Variants in TCFL5 observed in about 807,000 individuals in gnomAD.
The protein encoded by TCFL5 is transcription factor like 5, also known as transcription factor-like 5 protein.
A neutral mutation model predicts 44.3 loss-of-function variants in TCFL5; 9 were observed. The observed-to-expected ratio is 0.20, with a 90% CI of 0.12 to 0.35. The LOEUF (loss-of-function observed/expected upper bound fraction) is 0.35, where lower values mean the gene tolerates loss of function less well. TCFL5 is among the 10% of genes least tolerant of loss of function. TCFL5 has a pLI of 1.00. For missense variants in TCFL5, 603 were observed against 613.4 expected, an observed-to-expected ratio of 0.98 and a Z score of 0.18; for synonymous variants, 319 against 271.6, an observed-to-expected ratio of 1.17 and a Z score of -1.72.
chr20:62,861,752 A>G lies in TCFL5; in HGVS notation c.-82T>C, dbSNP rs1340782964. 2.4e-5 allele frequency: 3 copies of G among 127,170 alleles called. No individual in the cohort carries two copies. The highest frequency in any genetic ancestry group is 3.4e-5 in the Non-Finnish European group (2 of 58,346). 7.9% of individuals were successfully genotyped at this position (127,170 alleles called of 1,614,324 possible). On this transcript the variant is annotated 5_prime_UTR_variant, in exon 1 of 6. Transcript: ENST00000335351. The surrounding 1 kb of genome is among the most constrained non-coding windows in gnomAD (Gnocchi z 4.0). The stretch of plus-strand genomic sequence containing the variant: ...GGCGGGAGGCGGGAGGCGGGAGGCG[A>G]CCCCCGGCCCGAGCACTACTCTGCG...
chr20:62,856,199 G>A (rs377380978), intron 4 of TCFL5, among the ~76,000 whole-genome samples: 29 of 139,890 alleles, frequency 2.1e-4, no homozygotes, highest in Admixed American at 1.5e-3. Flanking sequence ...GCAGTGAGCC[G>A]AGATCATGCC....
intron 4 of TCFL5, among the ~76,000 whole-genome samples, chr20:62,855,405 C>G (rs2063872532): frequency 6.6e-6 from 1 of 152,184 alleles, no homozygotes; most frequent in Non-Finnish European, 1.5e-5. Context: ...TCAAGCAATC[C>G]TCCCACCTCG....
chr20:62,857,292 C>A (rs2063908482), intron 4 of TCFL5, 103 bp downstream of exon 4: 1 of 1,474,792 alleles, frequency 6.8e-7, no homozygotes, highest in African/African-American at 1.4e-5. Context: ...CTGCTTTATT[C>A]CCTCTGAACG....
At position 62,861,320 on chromosome 20, in the gene TCFL5, G is replaced by A. The variant is rs924912547; in HGVS notation, c.351C>T (p.Asp117=). ...AGTCGATGTGGCCCAGGCAGGGCGC[G>A]TCGGCCGCCAGCGCGGACGGGCACA... ...PVLCPSALAA[D]APCLGHIDFQ... The change falls in exon 1 of 6, where the codon GAC becomes GAT. Residue 117 remains aspartate (D), a synonymous_variant. Coordinates refer to ENST00000335351, the MANE Select transcript of TCFL5 (RefSeq NM_006602.4). The surrounding 1 kb of genome is among the most constrained non-coding windows in gnomAD (Gnocchi z 4.0). 6.1e-6 allele frequency: 7 copies of A among 1,153,458 alleles called. No homozygotes were observed. In the African/African-American group the frequency reaches 8.2e-5, roughly 14 times the overall value. 71.5% of individuals were successfully genotyped at this position (1,153,458 alleles called of 1,614,324 possible). A position where few individuals can be genotyped will look rare whatever the true frequency, so the allele number is the denominator to read the frequency against.
intron 3 of TCFL5, among the ~76,000 whole-genome samples, chr20:62,858,345 T>C (rs1010236081): frequency 2.9e-4 from 44 of 152,150 alleles, no homozygotes; most frequent in African/African-American, 1.0e-3. Flanking sequence ...AGAAGGATGA[T>C]GAAGCTTTCA....
In TCFL5 at chr20:62,861,327, G is replaced by T; in HGVS notation, c.344C>A (p.Ala115Glu). ...VYPVLCPSAL[A>E]ADAPCLGHID... Reference sequence around the variant, plus strand: ...GTGGCCCAGGCAGGGCGCGTCGGCCGCCAGCGCGGACGGGCACAGCACGGG... The same window carrying T: ...GTGGCCCAGGCAGGGCGCGTCGGCCTCCAGCGCGGACGGGCACAGCACGGG... Residue 115 changes from alanine (A) to glutamate (E), a missense_variant, in exon 1 of 6, where the codon GCG (alanine) becomes GAG (glutamate). By Grantham distance (107) the Ala-to-Glu change is moderately radical (BLOSUM62 -1). This residue lies in a region of TCFL5 where 540 missense variants were observed against 478.7 expected (regional missense o/e 1.13). Transcript: ENST00000335351. The surrounding 1 kb of genome is among the most constrained non-coding windows in gnomAD (Gnocchi z 4.0). 1 of 1,145,448 alleles carries T rather than the reference G, an allele frequency of 8.7e-7. No individual in the cohort carries two copies. Among genetic ancestry groups the T allele is most frequent in the East Asian group, 6.7e-5 (1 of 14,992 alleles). The allele number at this position is 1,145,448 out of a possible 1,614,324, so 71.0% of individuals were successfully genotyped here. A position where few individuals can be genotyped will look rare whatever the true frequency, so the allele number is the denominator to read the frequency against.
At position 62,861,167 on chromosome 20, in the gene TCFL5, C is replaced by T. The variant is rs1286096204; in HGVS notation, c.504G>A (p.Ala168=). Residue 168 remains alanine (A), a synonymous_variant, in exon 1 of 6, where the codon GCG becomes GCA. Transcript: ENST00000335351. The surrounding 1 kb of genome is among the most constrained non-coding windows in gnomAD (Gnocchi z 4.0). ...CCTCGGGCGCGCCGTCGGGTCCAGC[C>T]GCAGCCGCAGCCGCGCCCGCGCCCT... ...AKEGAGAAAA[A]AGPDGAPEAR... 2.9e-6 allele frequency: 3 copies of T among 1,018,472 alleles called. No individual in the cohort carries two copies. The highest frequency in any genetic ancestry group is 3.5e-5 in the African/African-American group (2 of 57,298). The allele number at this position is 1,018,472 out of a possible 1,614,324, so 63.1% of individuals were successfully genotyped here.
Position 62,856,017 on chromosome 20 carries a change from G to A in TCFL5, c.1238+1378C>T, listed in dbSNP as rs1053247428. On this transcript the variant is annotated intron_variant, in intron 4 of 5. Coordinates refer to ENST00000335351, the MANE Select transcript of TCFL5 (RefSeq NM_006602.4). ...TGTAATCCCAGCACTTTAGGAGGCCGAGGCAGGCGGATCACAAGGTCAGGA... is the reference window on the plus strand; with the variant it reads ...TGTAATCCCAGCACTTTAGGAGGCCAAGGCAGGCGGATCACAAGGTCAGGA... 7.2e-5 allele frequency among the ~76,000 whole-genome samples: 11 copies of A among 152,108 alleles called. No individual in the cohort carries two copies. The East Asian group carries it at 7.7e-4, about 11-fold the overall frequency.
chr20:62,849,314 G>T (rs906075731), intron 5 of TCFL5, among the ~76,000 whole-genome samples: 2 of 152,164 alleles, frequency 1.3e-5, no homozygotes, highest in African/African-American at 4.8e-5. Flanking sequence ...TCTTTGTACT[G>T]TTCTTGCAAT....
rs370824734 is a variant in TCFL5 at position 62,846,315 on chromosome 20, T to A, written c.1381-4218A>T. Reference sequence around the variant, plus strand: ...ACAGTTGGGCAGAGGCAGGGTTGAGTTGTGGTTCCATCTGGACCCTTGCAG... The same window carrying A: ...ACAGTTGGGCAGAGGCAGGGTTGAGATGTGGTTCCATCTGGACCCTTGCAG... On this transcript the variant is annotated intron_variant, in intron 5 of 5. Transcript: ENST00000335351. 1.6e-3 allele frequency among the ~76,000 whole-genome samples: 250 copies of A among 152,184 alleles called. 2 individuals are homozygous for A. Among genetic ancestry groups the A allele is most frequent in the African/African-American group, 5.7e-3 (238 of 41,494 alleles).
Position 62,857,559 on chromosome 20 carries a change from G to A in TCFL5, c.1074C>T (p.Ala358=). The A allele has an allele frequency of 6.2e-7, 1 of 1,614,188 alleles. No individual in the cohort carries two copies. The part of the protein sequence containing the change: ...RQLDTNVERR[A]LGEIQNVGEG... ...CGCCCACATTCTGAATCTCTCCAAGGGCTCTTCGCTCTACATTTGTGTCCA... is the reference window on the plus strand; with the variant it reads ...CGCCCACATTCTGAATCTCTCCAAGAGCTCTTCGCTCTACATTTGTGTCCA... The change falls in exon 4 of 6, where the codon GCC becomes GCT. Residue 358 remains alanine, a synonymous_variant. Transcript: ENST00000335351.
At position 62,842,758 on chromosome 20, in the gene TCFL5, C is replaced by T. The variant is rs373619165; in HGVS notation, c.1381-661G>A. Among the ~76,000 whole-genome samples the T allele has an allele frequency of 1.4e-3, 213 of 152,226 alleles. 4 individuals are homozygous for T. The South Asian group carries it at 0.039, about 28-fold the overall frequency. ...AGTCTGGGCAACAAGAGTGAAACTC[C>T]GTCTCAAAAAAATAAATTTTTAAAA... On this transcript the variant is annotated intron_variant, in intron 5 of 5. Transcript: ENST00000335351. This position sits in a 1 kb window ranked among gnomAD's most constrained non-coding sequence, Gnocchi z 4.3.
chr20:62,861,288 T>C lies in TCFL5; in HGVS notation c.383A>G (p.Glu128Gly). The C allele has an allele frequency of 5.8e-6, 7 of 1,210,632 alleles. No homozygotes were observed. The highest frequency in any genetic ancestry group is 7.3e-6 in the Non-Finnish European group (7 of 955,738). The allele number at this position is 1,210,632 out of a possible 1,614,324, so 75.0% of individuals were successfully genotyped here. The change falls in exon 1 of 6, where the codon GAG (glutamate) becomes GGG (glycine). Residue 128 changes from glutamate (E) to glycine (G), a missense_variant. Transcript: ENST00000335351. This position sits in a 1 kb window ranked among gnomAD's most constrained non-coding sequence, Gnocchi z 4.0. Reference protein sequence around the residue: ...APCLGHIDFQELRMMLLSEAG... With the variant: ...APCLGHIDFQGLRMMLLSEAG... ...CTCGCTTAGCAGCATCATGCGCAGC[T>C]CCTGGAAGTCGATGTGGCCCAGGCA...
rs903424670 is a variant in TCFL5, at chr20:62,861,106, C to G, written c.565G>C (p.Asp189His). Residue 189 changes from aspartate to histidine, a missense_variant, in exon 1 of 6, where the codon GAC (aspartate) becomes CAC (histidine). By Grantham distance (81) the Asp-to-His change is moderately conservative. Around this residue, in one of 4 missense-constraint regions of TCFL5, gnomAD observed 540 missense variants for 478.7 expected, o/e 1.13. Transcript: ENST00000335351. The surrounding 1 kb of genome is among the most constrained non-coding windows in gnomAD (Gnocchi z 4.0). ...TCGGCGGGGATGCTGTTGAAGCGGT[C>G]CTCCAGGCGGACGCGCACGGCCGGC... ...AKPAVRVRLE[D>H]RFNSIPAEPP... 1.0e-6 allele frequency: 1 copy of G among 998,178 alleles called. No homozygotes were observed. Among genetic ancestry groups the G allele is most frequent in the Non-Finnish European group, 1.2e-6 (1 of 840,466 alleles). 61.8% of individuals were successfully genotyped at this position (998,178 alleles called of 1,614,324 possible).
intron 4 of TCFL5, among the ~76,000 whole-genome samples, chr20:62,856,515 T>C (rs949157611): frequency 5.3e-5 from 8 of 151,472 alleles, no homozygotes; most frequent in Non-Finnish European, 1.2e-4. Flanking sequence ...CCATCCTGGC[T>C]AACATGCTGA....
chr20:62,845,938 G>A (rs751542161), intron 5 of TCFL5: 1 of 1,479,232 alleles, frequency 6.8e-7, no homozygotes, highest in Admixed American at 2.1e-5. Flanking sequence ...TCCGAACCCT[G>A]AACAGCTGGA....
intron 5 of TCFL5, chr20:62,852,402 GT>G (rs2063822493): frequency 1.0e-6 from 1 of 984,410 alleles, no homozygotes; most frequent in Non-Finnish European, 1.2e-6. Context: ...TGGAACTGGG[GT>G]CCCCCCAAGG....
Position 62,860,238 on chromosome 20 carries a change from C to G in TCFL5, c.718G>C (p.Ala240Pro). The G allele has an allele frequency of 6.2e-7, 1 of 1,613,810 alleles. No homozygotes were observed. The highest frequency in any genetic ancestry group is 1.3e-5 in the African/African-American group (1 of 75,014). ...VPLQQQNKCTALVKNKTAATT... is the reference protein window; with the variant it reads ...VPLQQQNKCTPLVKNKTAATT... Reference sequence around the variant, plus strand: ...GCCGCAGTTTTATTTTTCACTAATGCTGTACATTTGTTTTGTTGCTGAAGA... The same window carrying G: ...GCCGCAGTTTTATTTTTCACTAATGGTGTACATTTGTTTTGTTGCTGAAGA... Residue 240 changes from alanine (A) to proline (P), a missense_variant, in exon 2 of 6, where the codon GCA (alanine) becomes CCA (proline). By Grantham distance (27) the Ala-to-Pro change is conservative (BLOSUM62 -1). This residue lies in a region of TCFL5 where 540 missense variants were observed against 478.7 expected (regional missense o/e 1.13). Coordinates refer to ENST00000335351, the MANE Select transcript of TCFL5 (RefSeq NM_006602.4).
chr20:62,857,663 T>C (rs2063915992), intron 3 of TCFL5, 25 bp from the exon 4 acceptor site: 9 of 1,604,324 alleles, frequency 5.6e-6, no homozygotes, highest in African/African-American at 1.3e-5. Context: ...AAAAAAGTGG[T>C]TTTTAATTTT....
Sources: gnomAD v4.1 joint callset for allele counts (sites outside exome capture counted in the v4.1 genomes callset) on GRCh38, gnomAD v4.1.1 for gene constraint, gnomAD v4.1.1 regional missense constraint, Gnocchi (gnomAD v3.1) non-coding constraint, MANE v1.5 for transcripts, NCBI Gene and HGNC (gene_info 2026-07-23, HGNC 2026-07-21) for gene names.